The following ASPH variants were observed in gnomAD, a reference collection of about 807,000 sequenced individuals.
The protein encoded by ASPH is aspartyl/asparaginyl beta-hydroxylase.
Under a neutral mutation model 118.4 loss-of-function variants are expected in ASPH, and 100 were observed. The ratio of observed to expected loss-of-function variants is 0.84; its 90% CI spans 0.72 to 1.00. The LOEUF (loss-of-function observed/expected upper bound fraction) is 1.00, where lower values mean the gene tolerates loss of function less well. Among genes scored for constraint, ASPH ranks in the 50% least tolerant of loss-of-function variants. The probability of loss-of-function intolerance (pLI) is 0.00; values close to 1 mark genes in which losing one functional copy is unlikely to be tolerated. For missense variants in ASPH, 920 were observed against 919.5 expected (o/e 1.00, Z -0.01); for synonymous variants, 315 against 325.6 (o/e 0.97, Z 0.35).
rs35431863 is a variant in ASPH, at chr8:61,607,624, GAA to G, written c.976+11352_976+11353del. ...ATTACTTTAATAATAAGAGTTAAAG[GAA>G]AAAAAAAAACAACATTCTTTCTGGC... On this transcript the variant is annotated intron_variant, in intron 14 of 24. Coordinates refer to ENST00000379454, the MANE Select transcript of ASPH (RefSeq NM_004318.4). 2.7e-5 allele frequency among the ~76,000 whole-genome samples: 4 copies of G among 147,218 alleles called. No homozygotes were observed. In the East Asian group the frequency reaches 7.9e-4, roughly 29 times the overall value.
chr8:61,564,909 A>G (rs1188863982), intron 17 of ASPH, among the ~76,000 whole-genome samples: 2 of 152,168 alleles, frequency 1.3e-5, no homozygotes, highest in East Asian at 3.9e-4. Context: ...CTGTCCATGT[A>G]ACTATCTTGC....
chr8:61,583,228 C>T (rs921042680), intron 15 of ASPH: 2 of 146,740 alleles, frequency 1.4e-5, no homozygotes, highest in Non-Finnish European at 3.0e-5. Context: ...TAAAAACTTG[C>T]ACTTCTATGA....
At chr8:61,631,556 AGTAGGC>A (rs1855601626) in intron 13 of ASPH, 1 of 152,206 alleles carries the variant, frequency 6.6e-6, no homozygotes, top group African/African-American at 2.4e-5. Context: ...CTAGATGTGT[AGTAGGC>A]TACTCTATGA....
chr8:61,704,666 G>T (rs1836146257), intron 1 of ASPH, among the ~76,000 whole-genome samples: 1 of 151,968 alleles, frequency 6.6e-6, no homozygotes, highest in African/African-American at 2.4e-5. Flanking sequence ...TTAGAAATGG[G>T]CAAAAAAGAA....
At chr8:61,652,939 T>C (rs1268229082) in intron 4 of ASPH, among the ~76,000 whole-genome samples, 1 of 152,204 alleles carries the variant, frequency 6.6e-6, no homozygotes, top group African/African-American at 2.4e-5. Context: ...AGTAAATATG[T>C]AGTGTCATTC....
In ASPH at chr8:61,517,541, C is replaced by T. The variant is rs749030670; in HGVS notation, c.2113G>A (p.Ala705Thr). 1 of 1,614,050 alleles carries T rather than the reference C, an allele frequency of 6.2e-7. No individual in the cohort carries two copies. Among genetic ancestry groups the T allele is most frequent in the Non-Finnish European group, 8.5e-7 (1 of 1,179,930 alleles). ...IPKEGCKIRC[A>T]NETKTWEEGK... ...GAGGACCCATACTTGGTCTCGTTGG[C>T]ACATCGAATCTTGCAGCCTTCCTTG... is the stretch of plus-strand genomic sequence containing the variant. The change falls in exon 24 of 25, where the codon GCC (alanine) becomes ACC (threonine). Residue 705 changes from alanine (A) to threonine (T), a missense_variant. Coordinates refer to ENST00000379454, the MANE Select transcript of ASPH (RefSeq NM_004318.4).
rs941648212 is a variant in ASPH at position 61,567,467 on chromosome 8, A to C, written c.1150-149T>G. On this transcript the variant is annotated intron_variant, in intron 16 of 24. Transcript: ENST00000379454. Reference sequence around the variant, plus strand: ...TTCTCCTTATCAAGAGATAAAAAAAACTAACAAAAGATAGAAAATCAACAC... The same window carrying C: ...TTCTCCTTATCAAGAGATAAAAAAACCTAACAAAAGATAGAAAATCAACAC... The C allele has an allele frequency of 3.5e-6, 3 of 849,992 alleles. No homozygotes were observed. In the African/African-American group the frequency reaches 5.1e-5, roughly 15 times the overall value. The allele number at this position is 849,992 out of a possible 1,614,324, so 52.7% of individuals were successfully genotyped here.
rs76315081 is a variant in ASPH at position 61,705,754 on chromosome 8, C to T, written c.103+8515G>A. Among the ~76,000 whole-genome samples the T allele has an allele frequency of 1.8e-4, 28 of 152,078 alleles. No homozygotes were observed. The East Asian group carries it at 4.8e-3, about 26-fold the overall frequency. On this transcript the variant is annotated intron_variant, in intron 1 of 24. Transcript: ENST00000379454. ...CAGACACTAAAATTTGTGCAATTCA[C>T]TACGTGAAAATTTTACCTCAGAGGG...
At chr8:61,691,594 C>T (rs542432305) in intron 1 of ASPH, among the ~76,000 whole-genome samples, 11 of 152,312 alleles carry the variant, frequency 7.2e-5, no homozygotes, top group African/African-American at 2.4e-4. Context: ...ACGATACCCC[C>T]ATGGGTGAGA....
intron 15 of ASPH, chr8:61,579,468 A>C (rs1439056047): frequency 8.1e-6 from 13 of 1,604,044 alleles, no homozygotes. Context: ...GAAGACCACC[A>C]GCGGCTATGC....
chr8:61,626,612 G>T (rs928039896), intron 13 of ASPH, among the ~76,000 whole-genome samples: 8 of 150,244 alleles, frequency 5.3e-5, no homozygotes, highest in African/African-American at 2.0e-4. Flanking sequence ...AATCTAGTAT[G>T]GTATTTGAAA....
At chr8:61,705,141 A>G (rs1012303551) in intron 1 of ASPH, among the ~76,000 whole-genome samples, 1 of 152,200 alleles carries the variant, frequency 6.6e-6, no homozygotes, top group Admixed American at 6.5e-5. Context: ...GCAAACTGAC[A>G]CAGGAACAGA....
At chr8:61,629,059 C>G (rs776509607) in intron 13 of ASPH, among the ~76,000 whole-genome samples, 11 of 152,108 alleles carry the variant, frequency 7.2e-5, no homozygotes, top group Non-Finnish European at 7.4e-5. Flanking sequence ...AATGGGGAGG[C>G]CTGTGTGAAA....
chr8:61,515,404 C>T lies in ASPH; in HGVS notation c.2126+2124G>A, dbSNP rs191783752. 2.0e-4 allele frequency among the ~76,000 whole-genome samples: 31 copies of T among 152,290 alleles called. 1 individual carries two copies. Among genetic ancestry groups the T allele is most frequent in the African/African-American group, 7.0e-4 (29 of 41,576 alleles). Reference sequence around the variant, plus strand: ...CTGCCTGTCCAGTGATCCCTGATTCCTCCTCCTGGTCTACCCGATTTTGCC... The same window carrying T: ...CTGCCTGTCCAGTGATCCCTGATTCTTCCTCCTGGTCTACCCGATTTTGCC... On this transcript the variant is annotated intron_variant, in intron 24 of 24. Transcript: ENST00000379454.
chr8:61,583,296 A>G (rs1032980157), intron 15 of ASPH: 7 of 151,990 alleles, frequency 4.6e-5, no homozygotes, highest in African/African-American at 1.7e-4. Flanking sequence ...CTTATGGCTC[A>G]CGCCTGTAAT....
chr8:61,598,086 A>G (rs557095283), intron 14 of ASPH, among the ~76,000 whole-genome samples: 1 of 152,332 alleles, frequency 6.6e-6, no homozygotes, highest in Non-Finnish European at 1.5e-5. Flanking sequence ...CAAAAGGAAA[A>G]CAAGAAAACA....
intron 19 of ASPH, among the ~76,000 whole-genome samples, chr8:61,555,614 T>G (rs1314386010): frequency 1.3e-5 from 2 of 152,216 alleles, no homozygotes; most frequent in Non-Finnish European, 2.9e-5. Context: ...TTTAAAAATA[T>G]TTAAAGTATC....
At chr8:61,662,423 G>A (rs1264344613) in intron 3 of ASPH, among the ~76,000 whole-genome samples, 3 of 152,036 alleles carry the variant, frequency 2.0e-5, no homozygotes, top group East Asian at 1.9e-4. Flanking sequence ...TTTTTGTCCC[G>A]TTGTAGCTGG....
In ASPH at chr8:61,533,749, C is replaced by T. The variant is rs574947657; in HGVS notation, c.1765-7637G>A. On this transcript the variant is annotated intron_variant, in intron 21 of 24. Transcript: ENST00000379454. ...TTTGGAAGCTTCTCTGTAATTGCTA[C>T]AGTTTCTGCTGTCTTAGATCTGCCA... 6.6e-5 allele frequency among the ~76,000 whole-genome samples: 10 copies of T among 152,344 alleles called. No individual in the cohort carries two copies. In the South Asian group the frequency reaches 1.7e-3, roughly 25 times the overall value.
Sources: gnomAD v4.1 joint callset for allele counts (sites outside exome capture counted in the v4.1 genomes callset) on GRCh38, gnomAD v4.1.1 for gene constraint, MANE v1.5 for transcripts, NCBI Gene and HGNC (gene_info 2026-07-23, HGNC 2026-07-21) for gene names.